Variants in CSMD1 observed in about 807,000 individuals in gnomAD.
The protein encoded by CSMD1 is CUB and sushi domain-containing protein 1.
In CSMD1, 213 loss-of-function variants were observed where a neutral mutation model predicts 417.5. The ratio of observed to expected loss-of-function variants is 0.51; its 90% CI spans 0.46 to 0.57. CSMD1 has a LOEUF of 0.57. Among genes scored for constraint, CSMD1 ranks in the 20% least tolerant of loss-of-function variants. The pLI, the probability that CSMD1 is intolerant of heterozygous loss-of-function variation, is 0.00. For synonymous variants in CSMD1, 2,862 were observed against 1,736.8 expected (o/e 1.65, Z -16.11); for missense variants, 6,923 against 4,529.7 (o/e 1.53, Z -15.17).
At chr8:4,306,077 G>A (rs1220138529) in intron 3 of CSMD1, among the ~76,000 whole-genome samples, 9 of 152,164 alleles carry the variant, frequency 5.9e-5, no homozygotes, top group Non-Finnish European at 2.9e-5. Flanking sequence ...TTATGATTGT[G>A]AGAAATGTTA....
chr8:3,924,020 T>C (rs944482727), intron 5 of CSMD1, among the ~76,000 whole-genome samples: 1 of 152,268 alleles, frequency 6.6e-6, no homozygotes, highest in African/African-American at 2.4e-5. Context: ...TTGCTGCTAA[T>C]AAGTGTCCTT....
chr8:4,964,980 C>T (rs1809765147), intron 1 of CSMD1, among the ~76,000 whole-genome samples: 1 of 152,130 alleles, frequency 6.6e-6, no homozygotes, highest in African/African-American at 2.4e-5. Flanking sequence ...ATTCCTTTTG[C>T]TTTGGGTCAC....
intron 4 of CSMD1, among the ~76,000 whole-genome samples, chr8:4,030,207 C>T (rs1220815288): frequency 4.7e-5 from 7 of 150,058 alleles, no homozygotes; most frequent in Admixed American, 2.6e-4. Context: ...TCAACTAGGG[C>T]GGTGCCCCAG....
At chr8:4,031,033 A>G (rs977228513) in intron 4 of CSMD1, among the ~76,000 whole-genome samples, 4 of 152,156 alleles carry the variant, frequency 2.6e-5, no homozygotes, top group East Asian at 3.9e-4. Flanking sequence ...TTCATTGTCC[A>G]TATCATCAGC....
chr8:3,520,183 A>C lies in CSMD1; in HGVS notation c.1345-26457T>G, dbSNP rs547852546. ...CCAGAACCGAGAAGAAGAGAATTTC[A>C]CTTAAATTATAATTTTTAAAAGTAC... On this transcript the variant is annotated intron_variant, in intron 10 of 69. Coordinates refer to ENST00000635120, the MANE Select transcript of CSMD1 (RefSeq NM_033225.6). Among the ~76,000 whole-genome samples, 779 of 152,192 alleles carry C rather than the reference A, an allele frequency of 5.1e-3. 8 individuals carry two copies. The highest frequency in any genetic ancestry group is 8.1e-3 in the Non-Finnish European group (551 of 68,000).
At chr8:4,490,642 T>C (rs973628358) in intron 2 of CSMD1, among the ~76,000 whole-genome samples, 5 of 152,102 alleles carry the variant, frequency 3.3e-5, no homozygotes, top group African/African-American at 4.8e-5. Context: ...AAAATGCCCA[T>C]TTGACCCATG....
intron 5 of CSMD1, 92 bp downstream of exon 5, chr8:3,997,811 C>A (rs926086017): frequency 3.4e-6 from 4 of 1,163,792 alleles, no homozygotes; most frequent in African/African-American, 1.5e-5. Flanking sequence ...TGCCCATGAA[C>A]GTCCAGAGAC....
chr8:3,097,825 C>T (rs1168550939), intron 46 of CSMD1, among the ~76,000 whole-genome samples: 1 of 152,076 alleles, frequency 6.6e-6, no homozygotes, highest in African/African-American at 2.4e-5. Context: ...TGCTCGGGAC[C>T]CTGGGAAGAG....
intron 1 of CSMD1, among the ~76,000 whole-genome samples, chr8:4,728,489 C>G (rs541168352): frequency 3.3e-5 from 5 of 152,006 alleles, no homozygotes; most frequent in Admixed American, 1.3e-4. Context: ...TGCCATGTAG[C>G]AGGTTCTCAG....
chr8:4,829,505 G>A (rs1358384056), intron 1 of CSMD1, among the ~76,000 whole-genome samples: 1 of 152,082 alleles, frequency 6.6e-6, no homozygotes, highest in African/African-American at 2.4e-5. Flanking sequence ...ACTTTACCAG[G>A]CTGAGGCAGG....
At chr8:4,738,841 T>C (rs556623846) in intron 1 of CSMD1, among the ~76,000 whole-genome samples, 3 of 152,004 alleles carry the variant, frequency 2.0e-5, no homozygotes, top group South Asian at 4.2e-4. Flanking sequence ...ATAGAAAAAA[T>C]ACACAGGTTG....
intron 7 of CSMD1, among the ~76,000 whole-genome samples, chr8:3,665,874 TTTG>T (rs886709832): frequency 6.6e-6 from 1 of 152,074 alleles, no homozygotes; most frequent in African/African-American, 2.4e-5. Flanking sequence ...GGTTTGCTTT[TTTG>T]TTGTTGTTTT....
intron 26 of CSMD1, among the ~76,000 whole-genome samples, chr8:3,264,572 G>T (rs190865779): frequency 1.3e-5 from 2 of 152,148 alleles, no homozygotes; most frequent in Non-Finnish European, 2.9e-5. Context: ...CTCTAGAACA[G>T]AGAATAAATA....
chr8:3,189,498 A>G (rs1230775354), intron 34 of CSMD1, among the ~76,000 whole-genome samples: 1 of 152,160 alleles, frequency 6.6e-6, no homozygotes, highest in Non-Finnish European at 1.5e-5. Flanking sequence ...CAGGTAAACT[A>G]TAACTAACAA....
rs143036552 is a variant in CSMD1 at position 3,973,361 on chromosome 8, G to A, written c.818+24542C>T. On this transcript the variant is annotated intron_variant, in intron 5 of 69. Transcript: ENST00000635120. ...GGTGCTAGATAGAAGATTTTCAAAA[G>A]AATATTTAACTTTCATGTATTCACC... Among the ~76,000 whole-genome samples, 29 of 152,258 alleles carry A rather than the reference G, an allele frequency of 1.9e-4. No individual in the cohort carries two copies. In the East Asian group the frequency reaches 5.2e-3, roughly 27 times the overall value.
intron 3 of CSMD1, among the ~76,000 whole-genome samples, chr8:4,415,222 C>A (rs1171351368): frequency 1.3e-5 from 2 of 152,164 alleles, no homozygotes; most frequent in Non-Finnish European, 1.5e-5. Context: ...CCTCCGCTCC[C>A]CACTGAACTC....
intron 3 of CSMD1, among the ~76,000 whole-genome samples, chr8:4,300,461 G>C (rs1797921315): frequency 6.6e-6 from 1 of 152,154 alleles, no homozygotes; most frequent in African/African-American, 2.4e-5. Flanking sequence ...GAGTGTCCTT[G>C]GAATTTAACT....
At chr8:3,329,281 G>A (rs977831441) in intron 23 of CSMD1, among the ~76,000 whole-genome samples, 2 of 152,110 alleles carry the variant, frequency 1.3e-5, no homozygotes, top group Non-Finnish European at 2.9e-5. Flanking sequence ...CACATTTCCA[G>A]CAAGCAAAGG....
Position 3,408,017 on chromosome 8 carries a change from C to T in CSMD1, c.1953G>A (p.Leu651=), listed in dbSNP as rs2116905653. The T allele has an allele frequency of 1.9e-6, 3 of 1,613,850 alleles. No homozygotes were observed. The highest frequency in any genetic ancestry group is 4.5e-5 in the East Asian group (2 of 44,854). The change falls in exon 14 of 70, where the codon CTG becomes CTA. Residue 651 remains leucine, a synonymous_variant. Transcript: ENST00000635120. The part of the protein sequence containing the change: ...KDDGISDITV[L]GTFSGNEVPS... ...GCACTTCATTGCCAGAAAAAGTACCCAGGACAGTTATGTCAGAAATGCCAT... is the reference window on the plus strand; with the variant it reads ...GCACTTCATTGCCAGAAAAAGTACCTAGGACAGTTATGTCAGAAATGCCAT...
Sources: allele counts gnomAD v4.1 joint callset (sites outside exome capture counted in the v4.1 genomes callset), GRCh38; gene constraint gnomAD v4.1.1; transcripts MANE v1.5; gene names NCBI Gene and HGNC (gene_info 2026-07-23, HGNC 2026-07-21).